The following TRAF6 variants were observed in gnomAD, a reference collection of about 807,000 sequenced individuals.
TRAF6 encodes the protein TNF receptor associated factor 6.
Under a neutral mutation model 48.4 loss-of-function variants are expected in TRAF6, and 10 were observed. The observed-to-expected ratio is 0.21, with a 90% CI of 0.13 to 0.35. TRAF6 has a LOEUF of 0.35. TRAF6 is among the 10% of genes least tolerant of loss of function. The pLI, the probability that TRAF6 is intolerant of heterozygous loss-of-function variation, is 1.00. For missense variants in TRAF6, 397 were observed against 661.0 expected, an observed-to-expected ratio of 0.60 and a Z score of 4.38; for synonymous variants, 186 against 219.6, an observed-to-expected ratio of 0.85 and a Z score of 1.35.
At chr11:36,495,642 C>T (rs1186690291) in intron 4 of TRAF6, among the ~76,000 whole-genome samples, 1 of 152,026 alleles carries the variant, frequency 6.6e-6, no homozygotes, top group African/African-American at 2.4e-5. Flanking sequence ...GTCTGTAATC[C>T]CAGCATTTTG....
At chr11:36,507,638 C>A (rs1321275288) in intron 1 of TRAF6, among the ~76,000 whole-genome samples, 2 of 6,652 alleles carry the variant, frequency 3.0e-4, no homozygotes, top group African/African-American at 6.2e-4. Flanking sequence ...TACATACACG[C>A]GCGTGTATAT....
At chr11:36,505,917 T>A (rs1390561383) in intron 1 of TRAF6, among the ~76,000 whole-genome samples, 1 of 152,110 alleles carries the variant, frequency 6.6e-6, no homozygotes. Context: ...ATTAAGTTCA[T>A]CATCTCATAT....
intron 4 of TRAF6, 42 bp from the exon 5 acceptor site, chr11:36,495,089 C>G: frequency 6.9e-7 from 1 of 1,457,680 alleles, no homozygotes; most frequent in Non-Finnish European, 9.5e-7. Flanking sequence ...ATGAGAATAT[C>G]TGAAAAAGTG....
At position 36,501,224 on chromosome 11, in the gene TRAF6, T is replaced by C. The variant is rs1859711039; in HGVS notation, c.292A>G (p.Ile98Val). 5.0e-6 allele frequency: 8 copies of C among 1,592,318 alleles called. No homozygotes were observed. The highest frequency in any genetic ancestry group is 6.0e-6 in the Non-Finnish European group (7 of 1,167,752). The change falls in exon 2 of 7, where the codon ATA becomes GTA. Residue 98 changes from isoleucine to valine, a missense_variant. This residue lies in a region of TRAF6 where 245 missense variants were observed against 349.1 expected (regional missense o/e 0.70). Transcript: ENST00000526995. ...RFCKACIIKS[I>V]RDAGHKCPVD... ...TTTTTTCTTATGCTCACGTACCTTA[T>C]TGATTTTATGATGCAGGCTTTGCAG...
chr11:36,496,754 T>C (rs925001837), intron 4 of TRAF6, among the ~76,000 whole-genome samples: 6 of 152,248 alleles, frequency 3.9e-5, no homozygotes, highest in African/African-American at 1.4e-4. Context: ...TAATTTTGTG[T>C]AGATCTTATC....
intron 1 of TRAF6, among the ~76,000 whole-genome samples, chr11:36,503,333 C>T (rs527942988): frequency 5.4e-5 from 8 of 146,976 alleles, no homozygotes; most frequent in African/African-American, 1.5e-4. Flanking sequence ...CTCACTCTGT[C>T]GCTCAGGCTG....
At chr11:36,508,773 T>C (rs1198294508) in intron 1 of TRAF6, among the ~76,000 whole-genome samples, 1 of 152,202 alleles carries the variant, frequency 6.6e-6, no homozygotes, top group Non-Finnish European at 1.5e-5. Flanking sequence ...ACTCAACTGT[T>C]GTGCCTTAAC....
In TRAF6 at chr11:36,507,607, ACACGCG is replaced by A. The variant is rs1369497894; in HGVS notation, c.-23+2435_-23+2440del. 2.8e-4 allele frequency among the ~76,000 whole-genome samples: 4 copies of A among 14,066 alleles called. 1 individual carries two copies. The highest frequency in any genetic ancestry group is 7.5e-4 in the African/African-American group (4 of 5,332). 9.2% of individuals were successfully genotyped at this position (14,066 alleles called of 152,430 possible). A position where few individuals can be genotyped will look rare whatever the true frequency, so the allele number is the denominator to read the frequency against. On this transcript the variant is annotated intron_variant, in intron 1 of 6. Coordinates refer to ENST00000526995, the MANE Select transcript of TRAF6 (RefSeq NM_004620.4). ...CACGCGCGTGTATATATGTATACAT[ACACGCG>A]CGTGTATATATGTATACATACACGC...
Position 36,490,206 on chromosome 11 carries a change from G to C in TRAF6, c.1201C>G (p.Gln401Glu). Residue 401 changes from glutamine (Q) to glutamate (E), a missense_variant, in exon 7 of 7, where the codon CAG (glutamine) becomes GAG (glutamate). Gln to Glu is a conservative substitution (Grantham distance 29, BLOSUM62 2). Around this residue, in one of 4 missense-constraint regions of TRAF6, gnomAD observed 74 missense variants for 198.9 expected, o/e 0.37. Transcript: ENST00000526995. This position sits in a 1 kb window ranked among gnomAD's most constrained non-coding sequence, Gnocchi z 6.4. ...MRLHLQLPTA[Q>E]RCANYISLFV... ...AGGGATATATAGTTTGCACAGCGCTGAGCAGTCGGTAACTGAAGGTGCAAG... is the reference window on the plus strand; with the variant it reads ...AGGGATATATAGTTTGCACAGCGCTCAGCAGTCGGTAACTGAAGGTGCAAG... 1 of 1,614,186 alleles carries C rather than the reference G, an allele frequency of 6.2e-7. No homozygotes were observed. The highest frequency in any genetic ancestry group is 8.5e-7 in the Non-Finnish European group (1 of 1,180,028).
chr11:36,498,390 T>C, intron 3 of TRAF6, 100 bp downstream of exon 3: 1 of 1,023,222 alleles, frequency 9.8e-7, no homozygotes, highest in Non-Finnish European at 1.4e-6. Context: ...AATCATCATA[T>C]GCTAGGTACT....
At chr11:36,496,772 A>G (rs892170357) in intron 4 of TRAF6, among the ~76,000 whole-genome samples, 4 of 118,814 alleles carry the variant, frequency 3.4e-5, no homozygotes, top group Admixed American at 8.6e-5. Flanking sequence ...ATCTTAATCT[A>G]CTTGTTTGTC....
At chr11:36,494,062 T>C (rs1206374603) in intron 5 of TRAF6, among the ~76,000 whole-genome samples, 6 of 152,140 alleles carry the variant, frequency 3.9e-5, no homozygotes, top group Non-Finnish European at 1.5e-5. Context: ...CTTTCTCTAC[T>C]AATAGTCAAA....
At chr11:36,502,917 T>C (rs5030442) in intron 1 of TRAF6, among the ~76,000 whole-genome samples, 3,913 of 152,316 alleles carry the variant, frequency 0.026, 78 homozygotes, top group Non-Finnish European at 0.037. Flanking sequence ...CTTAGAACAG[T>C]GCCAGGCAGT....
intron 1 of TRAF6, among the ~76,000 whole-genome samples, chr11:36,503,445 C>A (rs894712384): frequency 7.2e-5 from 11 of 152,106 alleles, no homozygotes; most frequent in African/African-American, 2.7e-4. Flanking sequence ...CCACCACGCC[C>A]AACTAATTTT....
chr11:36,504,464 T>C (rs1393419482), intron 1 of TRAF6, among the ~76,000 whole-genome samples: 2 of 152,226 alleles, frequency 1.3e-5, no homozygotes, highest in Non-Finnish European at 2.9e-5. Flanking sequence ...TTTTTTACCA[T>C]GAGACTGCAG....
At chr11:36,506,279 T>C (rs564064735) in intron 1 of TRAF6, among the ~76,000 whole-genome samples, 1 of 152,308 alleles carries the variant, frequency 6.6e-6, no homozygotes, top group South Asian at 2.1e-4. Context: ...GTATGTAACT[T>C]TTTAAGCTTT....
At chr11:36,492,676 T>C in intron 5 of TRAF6, 48 bp from the exon 6 acceptor site, 2 of 1,422,526 alleles carry the variant, frequency 1.4e-6, no homozygotes, top group Non-Finnish European at 2.0e-6. Context: ...GCATATCATT[T>C]TCTAGTTTGA....
rs983652603 is a variant in TRAF6 at position 36,485,176 on chromosome 11, T to G, written c.*4662A>C. 1.1e-4 allele frequency among the ~76,000 whole-genome samples: 17 copies of G among 152,242 alleles called. No homozygotes were observed. The highest frequency in any genetic ancestry group is 4.1e-4 in the African/African-American group (17 of 41,488). On this transcript the variant is annotated 3_prime_UTR_variant, in exon 7 of 7. Coordinates refer to ENST00000526995, the MANE Select transcript of TRAF6 (RefSeq NM_004620.4). Reference sequence around the variant, plus strand: ...ATACAAGTCTTTCAACATTTCTGCATGTTTGGGAAATTTCATCAAGTGCTG... The same window carrying G: ...ATACAAGTCTTTCAACATTTCTGCAGGTTTGGGAAATTTCATCAAGTGCTG...
In TRAF6 at chr11:36,490,653, A is replaced by G. The variant is rs377653607; in HGVS notation, c.757-3T>C. 404 of 1,604,042 alleles carry G rather than the reference A, an allele frequency of 2.5e-4. 1 individual carries two copies. Among genetic ancestry groups the G allele is most frequent in the Non-Finnish European group, 3.2e-4 (379 of 1,173,102 alleles). ...CGTGCCAAGTGATTCCTCTGCATCT[A>G]AAAATCAAGCACAAGCCTTAGGCTG... On this transcript the variant is annotated splice_region_variant and splice_polypyrimidine_tract_variant and intron_variant, in intron 6 of 6. Transcript: ENST00000526995. The surrounding 1 kb of genome is among the most constrained non-coding windows in gnomAD (Gnocchi z 6.4).
Sources: gnomAD v4.1 joint callset for allele counts (sites outside exome capture counted in the v4.1 genomes callset) on GRCh38, gnomAD v4.1.1 for gene constraint, gnomAD v4.1.1 regional missense constraint, Gnocchi (gnomAD v3.1) non-coding constraint, MANE v1.5 for transcripts, NCBI Gene and HGNC (gene_info 2026-07-23, HGNC 2026-07-21) for gene names.